The following DGKI variants were observed in gnomAD, a reference collection of about 807,000 sequenced individuals.
DGKI encodes diacylglycerol kinase iota, also known as DAG kinase iota.
A neutral mutation model predicts 147.5 loss-of-function variants in DGKI; 55 were observed. That is an observed-to-expected ratio of 0.37 (90% CI 0.30 to 0.47). DGKI has a LOEUF of 0.47. Among genes scored for constraint, DGKI ranks in the 20% least tolerant of loss-of-function variants. DGKI has a pLI of 1.00. For synonymous variants in DGKI, 469 were observed against 477.1 expected, an observed-to-expected ratio of 0.98 and a Z score of 0.22; for missense variants, 1,007 against 1,323.8, an observed-to-expected ratio of 0.76 and a Z score of 3.71.
At chr7:137,405,220 T>G (rs1319496544) in intron 30 of DGKI, among the ~76,000 whole-genome samples, 1 of 150,212 alleles carries the variant, frequency 6.7e-6, no homozygotes, top group Admixed American at 6.7e-5. Context: ...TGGGCTATAC[T>G]TATGTTAAAA....
intron 23 of DGKI, among the ~76,000 whole-genome samples, chr7:137,475,778 T>G (rs1052805226): frequency 7.2e-5 from 11 of 152,198 alleles, no homozygotes; most frequent in African/African-American, 2.7e-4. Context: ...TTACCAAGTT[T>G]CAACTTCTTT....
intron 1 of DGKI, among the ~76,000 whole-genome samples, chr7:137,749,368 T>C: frequency 6.6e-6 from 1 of 152,136 alleles, no homozygotes; most frequent in Non-Finnish European, 1.5e-5. Context: ...CTGTGGACCC[T>C]GCTGATTTTT....
intron 23 of DGKI, among the ~76,000 whole-genome samples, chr7:137,474,161 G>C (rs948494618): frequency 5.3e-5 from 8 of 152,018 alleles, no homozygotes; most frequent in Non-Finnish European, 4.4e-5. Context: ...ATTACTATCT[G>C]GGCAGATTCA....
At chr7:137,779,395 G>T (rs1294927384) in intron 1 of DGKI, among the ~76,000 whole-genome samples, 4 of 152,086 alleles carry the variant, frequency 2.6e-5, no homozygotes, top group Non-Finnish European at 5.9e-5. Context: ...ATTTTTAGAA[G>T]AAAACAGAAG....
chr7:137,412,912 C>T (rs1015886656), intron 28 of DGKI, among the ~76,000 whole-genome samples: 1 of 151,872 alleles, frequency 6.6e-6, no homozygotes, highest in South Asian at 2.1e-4. Context: ...TTTAGGAATA[C>T]GTAGCCTTAG....
chr7:137,648,929 A>G (rs994510826), intron 5 of DGKI, among the ~76,000 whole-genome samples: 3 of 152,178 alleles, frequency 2.0e-5, no homozygotes, highest in Non-Finnish European at 2.9e-5. Flanking sequence ...TTCCTAGAAA[A>G]TAAGCCGAAA....
chr7:137,768,996 TAAGAG>T (rs1796099070), intron 1 of DGKI, among the ~76,000 whole-genome samples: 1 of 152,192 alleles, frequency 6.6e-6, no homozygotes. Context: ...CCAGTCACTA[TAAGAG>T]ATTTCTGAAG....
At chr7:137,467,202 T>G (rs1024005372) in intron 24 of DGKI, among the ~76,000 whole-genome samples, 1 of 152,222 alleles carries the variant, frequency 6.6e-6, no homozygotes, top group Admixed American at 6.5e-5. Flanking sequence ...GTGCTTCTGC[T>G]TCTGTGAAAC....
At chr7:137,552,635 G>C (rs561429450) in intron 19 of DGKI, 67 bp from the exon 20 acceptor site, 1 of 1,537,022 alleles carries the variant, frequency 6.5e-7, no homozygotes, top group African/African-American at 1.4e-5. Context: ...GAGGCCAGGC[G>C]CTGTGGCTCA....
intron 1 of DGKI, among the ~76,000 whole-genome samples, chr7:137,764,973 T>C (rs1795968317): frequency 6.6e-6 from 1 of 152,190 alleles, no homozygotes; most frequent in African/African-American, 2.4e-5. Context: ...GTTTCACAGC[T>C]AATAAGGAGA....
chr7:137,724,961 G>A (rs55953418), intron 1 of DGKI, among the ~76,000 whole-genome samples: 23,796 of 152,026 alleles, frequency 0.16, 2,803 homozygotes, highest in African/African-American at 0.31. Flanking sequence ...AGGTAAGATC[G>A]TTTCTAGCAA....
intron 27 of DGKI, among the ~76,000 whole-genome samples, chr7:137,455,741 G>T (rs1814175565): frequency 6.6e-6 from 1 of 151,754 alleles, no homozygotes; most frequent in South Asian, 2.1e-4. Flanking sequence ...TTAGAGTAGG[G>T]GGTTCAGAGG....
At chr7:137,799,033 A>G (rs932288975) in intron 1 of DGKI, among the ~76,000 whole-genome samples, 2 of 152,140 alleles carry the variant, frequency 1.3e-5, no homozygotes, top group Non-Finnish European at 2.9e-5. Flanking sequence ...CTATTTTTTT[A>G]AAAAAACTCA....
intron 10 of DGKI, among the ~76,000 whole-genome samples, chr7:137,607,379 C>T (rs897561507): frequency 6.6e-6 from 1 of 152,142 alleles, no homozygotes; most frequent in African/African-American, 2.4e-5. Flanking sequence ...TCCTTGACCT[C>T]CCTTTTCTAT....
chr7:137,670,322 G>T (rs1037233023), intron 3 of DGKI, among the ~76,000 whole-genome samples: 2 of 152,108 alleles, frequency 1.3e-5, no homozygotes, highest in Non-Finnish European at 2.9e-5. Context: ...GAAGTGAGCA[G>T]TATCAGCACT....
chr7:137,479,537 T>C (rs1048250294), intron 23 of DGKI, among the ~76,000 whole-genome samples: 3 of 152,190 alleles, frequency 2.0e-5, no homozygotes, highest in African/African-American at 7.2e-5. Flanking sequence ...TTACATGCAA[T>C]TGCTCATAGC....
rs1380397245 is a variant in DGKI at position 137,382,252 on chromosome 7, T to C, written c.*8968A>G. On this transcript the variant is annotated 3_prime_UTR_variant, in exon 33 of 33. Coordinates refer to ENST00000614521, the MANE Select transcript of DGKI (RefSeq NM_001321708.2). ...ATATCTATCATTTTTAAGAGGAAAATGTATATTTAAACCCAAAATAACAAG... is the reference window on the plus strand; with the variant it reads ...ATATCTATCATTTTTAAGAGGAAAACGTATATTTAAACCCAAAATAACAAG... 5.9e-5 allele frequency: 9 copies of C among 152,082 alleles called. No individual in the cohort carries two copies. Among genetic ancestry groups the C allele is most frequent in the Non-Finnish European group, 1.3e-4 (9 of 68,000 alleles). The allele number at this position is 152,082 out of a possible 1,614,324, so 9.4% of individuals were successfully genotyped here. A position where few individuals can be genotyped will look rare whatever the true frequency, so the allele number is the denominator to read the frequency against.
chr7:137,539,265 C>T (rs190664349), intron 20 of DGKI, among the ~76,000 whole-genome samples: 1 of 152,240 alleles, frequency 6.6e-6, no homozygotes, highest in Non-Finnish European at 1.5e-5. Flanking sequence ...AACACAGTTA[C>T]AGGCAGTATG....
intron 27 of DGKI, among the ~76,000 whole-genome samples, chr7:137,455,360 T>C (rs969574200): frequency 2.0e-5 from 3 of 152,108 alleles, no homozygotes; most frequent in African/African-American, 7.2e-5. Flanking sequence ...AGATAAATCA[T>C]AGTAATATTG....
Sources: allele counts gnomAD v4.1 joint callset (sites outside exome capture counted in the v4.1 genomes callset), GRCh38; gene constraint gnomAD v4.1.1; transcripts MANE v1.5; gene names NCBI Gene and HGNC (gene_info 2026-07-23, HGNC 2026-07-21).